Variants in FHDC1 observed in about 807,000 individuals in gnomAD.
FHDC1 encodes the protein FH2 domain-containing protein 1.
In FHDC1, 25 loss-of-function variants were observed where a neutral mutation model predicts 52.6. The observed-to-expected ratio is 0.48, with a 90% confidence interval of 0.35 to 0.66. The LOEUF is 0.66. Ranked by LOEUF, FHDC1 falls within the 30% of genes least tolerant of loss-of-function variation. The probability of loss-of-function intolerance (pLI) is 0.01; values close to 1 mark genes in which losing one functional copy is unlikely to be tolerated. For missense variants in FHDC1, 1,459 were observed against 1,452.8 expected (o/e 1.00, Z -0.07); for synonymous variants, 616 against 581.5 (o/e 1.06, Z -0.85).
intron 1 of FHDC1, among the ~76,000 whole-genome samples, chr4:152,940,847 A>G (rs376205291): frequency 2.0e-5 from 3 of 152,364 alleles, no homozygotes; most frequent in South Asian, 4.1e-4. Flanking sequence ...GAGTTCAGAT[A>G]TAACTATAAA....
At chr4:152,966,308 G>A (rs1386767680) in intron 9 of FHDC1, among the ~76,000 whole-genome samples, 1 of 152,164 alleles carries the variant, frequency 6.6e-6, no homozygotes, top group Non-Finnish European at 1.5e-5. Flanking sequence ...GATATGTGCC[G>A]GTGACCAGTG....
intron 1 of FHDC1, among the ~76,000 whole-genome samples, chr4:152,937,316 G>C (rs980665650): frequency 4.3e-4 from 65 of 152,282 alleles, no homozygotes; most frequent in African/African-American, 1.5e-3. Context: ...GTGTCTGCGA[G>C]CCGGAAGACC....
At chr4:152,926,879 A>G in the FHDC1 span, among the ~76,000 whole-genome samples, 12 of 152,326 alleles carry the variant, frequency 7.9e-5, no homozygotes, top group Admixed American at 3.3e-4. Flanking sequence ...CAAACAAACA[A>G]TTGCACAATT....
At chr4:152,915,716 T>C in the FHDC1 span, among the ~76,000 whole-genome samples, 1 of 152,126 alleles carries the variant, frequency 6.6e-6, no homozygotes, top group Admixed American at 6.6e-5. Context: ...ACTGAAATAA[T>C]TGATTTACAC....
chr4:152,956,614 A>T (rs1740092377), intron 4 of FHDC1, among the ~76,000 whole-genome samples: 1 of 152,038 alleles, frequency 6.6e-6, no homozygotes, highest in Non-Finnish European at 1.5e-5. Context: ...ACTGCCTTGA[A>T]TCCCCGAGAC....
At chr4:152,927,963 C>T in the FHDC1 span, 35 of 1,478,182 alleles carry the variant, frequency 2.4e-5, no homozygotes, top group Admixed American at 8.4e-5. Flanking sequence ...AGACTGAAAC[C>T]GGACCCTGAG....
At chr4:152,927,921 G>T in the FHDC1 span, 4 of 1,431,480 alleles carry the variant, frequency 2.8e-6, no homozygotes, top group Admixed American at 5.0e-5. Context: ...GCTGTGAAGC[G>T]TAAGAGCTCA....
rs377374100 is a variant in FHDC1, at chr4:152,974,904, G to A, written c.1613G>A (p.Arg538His). The A allele has an allele frequency of 4.4e-5, 70 of 1,608,410 alleles. No homozygotes were observed. The highest frequency in any genetic ancestry group is 1.9e-4 in the Middle Eastern group (1 of 5,396). Residue 538 changes from arginine (R) to histidine (H), a missense_variant, in exon 12 of 12, where the codon CGC becomes CAC. By Grantham distance (29) the Arg-to-His change is conservative. Around this residue, in one of 3 missense-constraint regions of FHDC1, gnomAD observed 939 missense variants for 854.5 expected, o/e 1.10. Transcript: ENST00000511601. ...SPSYRPPNTR[R>H]SRLSLGPSAD... ...TCCTACCGGCCCCCGAACACCCGCC[G>A]CTCCCGCCTCTCCCTGGGTCCCTCT... is the stretch of plus-strand genomic sequence containing the variant.
rs1178457270 is a variant in FHDC1, at chr4:152,978,933, G to A, written c.*2210G>A. 2 of 152,106 alleles carry A rather than the reference G, an allele frequency of 1.3e-5. No homozygotes were observed. The highest frequency in any genetic ancestry group is 2.9e-5 in the Non-Finnish European group (2 of 68,032). The allele number at this position is 152,106 out of a possible 1,614,324, so 9.4% of individuals were successfully genotyped here. On this transcript the variant is annotated 3_prime_UTR_variant, in exon 12 of 12. Coordinates refer to ENST00000511601, the MANE Select transcript of FHDC1 (RefSeq NM_001371116.1). Reference sequence around the variant, plus strand: ...AACAGCCCTGAGTAGGTATTTCCAGGGCTCCACAAAGTTGCTTATGGGAAT... The same window carrying A: ...AACAGCCCTGAGTAGGTATTTCCAGAGCTCCACAAAGTTGCTTATGGGAAT...
At chr4:152,927,587 GT>G in the FHDC1 span, 1 of 1,603,810 alleles carries the variant, frequency 6.2e-7, no homozygotes, top group African/African-American at 1.3e-5. Flanking sequence ...TCCAGAGGAG[GT>G]TTATGACCCT....
chr4:152,939,480 A>G (rs1739515267), intron 1 of FHDC1, among the ~76,000 whole-genome samples: 2 of 152,198 alleles, frequency 1.3e-5, no homozygotes, highest in Non-Finnish European at 2.9e-5. Flanking sequence ...GAAAAAGTAC[A>G]GCGGGCTGTT....
chr4:152,916,757 A>C, the FHDC1 span, among the ~76,000 whole-genome samples: 2 of 152,202 alleles, frequency 1.3e-5, no homozygotes, highest in Non-Finnish European at 2.9e-5. Flanking sequence ...ATTTGGAAAC[A>C]GAAATTCAAG....
chr4:152,938,190 CT>C (rs72024131), intron 1 of FHDC1, among the ~76,000 whole-genome samples: 1,847 of 136,226 alleles, frequency 0.014, 23 homozygotes, highest in African/African-American at 0.044. Context: ...CACGCATGTG[CT>C]TTTTTTTTTT....
At chr4:152,969,031 G>A (rs1740554145) in intron 10 of FHDC1, among the ~76,000 whole-genome samples, 1 of 151,530 alleles carries the variant, frequency 6.6e-6, no homozygotes, top group Non-Finnish European at 1.5e-5. Flanking sequence ...GTTTGTGACA[G>A]CTCACTGTGA....
At chr4:152,943,675 C>A in intron 2 of FHDC1, 120 bp downstream of exon 2, 1 of 1,236,394 alleles carries the variant, frequency 8.1e-7, no homozygotes, top group Non-Finnish European at 1.1e-6. Context: ...ACAAGCGAAT[C>A]TGCCTTGGAA....
At chr4:152,963,165 A>G in intron 8 of FHDC1, 35 bp downstream of exon 8, 1 of 1,569,922 alleles carries the variant, frequency 6.4e-7, no homozygotes, top group Non-Finnish European at 8.8e-7. Context: ...GAGAACGCAT[A>G]TGAATACCCC....
intron 6 of FHDC1, among the ~76,000 whole-genome samples, chr4:152,962,108 C>T (rs1222852253): frequency 1.3e-5 from 2 of 151,968 alleles, no homozygotes; most frequent in African/African-American, 4.8e-5. Context: ...TTTCTTTTTA[C>T]CTTTCTAAAT....
At chr4:152,934,206 G>A (rs1026587987), upstream of FHDC1, among the ~76,000 whole-genome samples, 5 of 152,170 alleles carry the variant, frequency 3.3e-5, no homozygotes, top group African/African-American at 1.2e-4. Context: ...ACTTGGGAAA[G>A]AGCAGCAAAT....
chr4:152,921,029 C>G, the FHDC1 span, among the ~76,000 whole-genome samples: 1 of 151,966 alleles, frequency 6.6e-6, no homozygotes. Flanking sequence ...CTTAAACAAC[C>G]AGTCATTTTA....
Sources: allele counts gnomAD v4.1 joint callset (sites outside exome capture counted in the v4.1 genomes callset), GRCh38; gene constraint gnomAD v4.1.1; regional missense constraint gnomAD v4.1.1; transcripts MANE v1.5; gene names NCBI Gene and HGNC (gene_info 2026-07-23, HGNC 2026-07-21).